Variants in RSU1 observed in about 807,000 individuals in gnomAD.
RSU1 encodes the protein Ras suppressor protein 1, also known as rsu-1.
RSU1 carries 26 observed loss-of-function variants against 31.1 expected under a neutral mutation model. The ratio of observed to expected loss-of-function variants is 0.84; its 90% CI spans 0.61 to 1.16. The LOEUF is 1.16. Among genes scored for constraint, RSU1 ranks in the 50% most tolerant of loss-of-function variants. The pLI is 0.00. For missense variants in RSU1, 320 were observed against 339.1 expected (o/e 0.94, Z 0.44); for synonymous variants, 164 against 136.3 (o/e 1.20, Z -1.41).
At chr10:16,809,319 A>T (rs939488861) in intron 2 of RSU1, among the ~76,000 whole-genome samples, 14 of 152,328 alleles carry the variant, frequency 9.2e-5, no homozygotes, top group Admixed American at 7.2e-4. Context: ...GCTCTGGTTG[A>T]CTGTAACATA....
chr10:16,794,397 A>C (rs1055988078), intron 2 of RSU1, among the ~76,000 whole-genome samples: 1 of 152,242 alleles, frequency 6.6e-6, no homozygotes, highest in Non-Finnish European at 1.5e-5. Context: ...TAAAACCTTC[A>C]AGGACCAGAG....
chr10:16,782,092 G>GAA lies in RSU1; in HGVS notation c.110-10_110-9dup. On this transcript the variant is annotated splice_polypyrimidine_tract_variant and intron_variant, in intron 2 of 8. Transcript: ENST00000345264. ...TGATATGGGATAAGGTAACTAAAAA[G>GAA]AAAAGAAAAAAAAAAAGGTCAGTCA... The GAA allele has an allele frequency of 6.5e-7, 1 of 1,548,632 alleles. No individual in the cohort carries two copies. The highest frequency in any genetic ancestry group is 1.4e-5 in the African/African-American group (1 of 69,756).
At chr10:16,797,926 A>G (rs1375595680) in intron 2 of RSU1, among the ~76,000 whole-genome samples, 1 of 145,076 alleles carries the variant, frequency 6.9e-6, no homozygotes, top group African/African-American at 2.6e-5. Context: ...GAGCGGGGCA[A>G]TCTCGGCTCA....
intron 7 of RSU1, among the ~76,000 whole-genome samples, chr10:16,734,402 A>T (rs1168335407): frequency 6.6e-6 from 1 of 152,240 alleles, no homozygotes; most frequent in Non-Finnish European, 1.5e-5. Context: ...TACATGAATG[A>T]CATCTATACC....
In RSU1 at chr10:16,593,423, G is replaced by A. The variant is rs201269398; in HGVS notation, c.805C>T (p.Arg269Trp). The A allele has an allele frequency of 7.3e-5, 118 of 1,613,942 alleles. 1 individual carries two copies. The highest frequency in any genetic ancestry group is 1.6e-4 in the Middle Eastern group (1 of 6,082). ...KNNDKSKKIS[R>W]KPLAAKNR is the part of the protein sequence containing the mutation. ...CTGTTCTTGGCTGCCAGGGGTTTCC[G>A]GCTGATCTTTTTCGATTTGTCATTA... Residue 269 changes from arginine (R) to tryptophan (W), a missense_variant, in exon 9 of 9, where the codon CGG becomes TGG. Transcript: ENST00000345264.
At chr10:16,729,072 A>G (rs1836452776) in intron 7 of RSU1, among the ~76,000 whole-genome samples, 1 of 152,218 alleles carries the variant, frequency 6.6e-6, no homozygotes, top group South Asian at 2.1e-4. Flanking sequence ...TATGCCGCGT[A>G]TTTATCTCCA....
chr10:16,740,202 T>A (rs76422862), intron 7 of RSU1, among the ~76,000 whole-genome samples: 6,168 of 152,150 alleles, frequency 0.041, 426 homozygotes, highest in African/African-American at 0.14. Flanking sequence ...GGAAAAATTT[T>A]AAGTAAAATA....
At chr10:16,624,991 G>A (rs547027170) in intron 8 of RSU1, among the ~76,000 whole-genome samples, 37 of 152,056 alleles carry the variant, frequency 2.4e-4, no homozygotes, top group African/African-American at 8.7e-4. Context: ...ATGCCAAGTG[G>A]GTATCACCTT....
chr10:16,693,994 T>C (rs764641701), intron 8 of RSU1, among the ~76,000 whole-genome samples: 1 of 152,114 alleles, frequency 6.6e-6, no homozygotes, highest in Non-Finnish European at 1.5e-5. Context: ...TCTCAGCATT[T>C]GGGGTCAGGC....
At chr10:16,752,187 C>T (rs1282961940) in intron 7 of RSU1, among the ~76,000 whole-genome samples, 1 of 152,100 alleles carries the variant, frequency 6.6e-6, no homozygotes, top group Non-Finnish European at 1.5e-5. Context: ...TTATTAATAA[C>T]CAACCAAGAC....
At chr10:16,666,906 T>C (rs1835000164) in intron 8 of RSU1, among the ~76,000 whole-genome samples, 1 of 152,038 alleles carries the variant, frequency 6.6e-6, no homozygotes, top group Admixed American at 6.6e-5. Flanking sequence ...GGAGAACTGC[T>C]TGAACCCCAG....
chr10:16,765,359 C>T (rs1588520797), intron 3 of RSU1, among the ~76,000 whole-genome samples: 1 of 152,244 alleles, frequency 6.6e-6, no homozygotes, highest in East Asian at 1.9e-4. Context: ...CATACATATA[C>T]ACACACAAAG....
intron 8 of RSU1, among the ~76,000 whole-genome samples, chr10:16,657,882 C>T (rs1389157368): frequency 6.6e-6 from 1 of 151,960 alleles, no homozygotes; most frequent in Non-Finnish European, 1.5e-5. Flanking sequence ...CCCAGCTACT[C>T]GGGAGGCTGA....
Position 16,752,664 on chromosome 10 carries a change from G to A in RSU1, c.484-11C>T, listed in dbSNP as rs779039621. ...ATCCCTAAGGCTGAGCTAAACAGAA[G>A]AAAACAAGTTGTCAACATATTTACA... On this transcript the variant is annotated splice_polypyrimidine_tract_variant and intron_variant, in intron 6 of 8. Transcript: ENST00000345264. The A allele has an allele frequency of 3.4e-5, 54 of 1,590,852 alleles. 3 individuals are homozygous for A. The South Asian group carries it at 5.9e-4, about 17-fold the overall frequency.
In RSU1 at chr10:16,675,680, T is replaced by C. The variant is rs140469595; in HGVS notation, c.731+19343A>G. ...ACTGGATTAATAAATTCTGGTAATA[T>C]AGTAAGGACAAAATAAATGTAAAAA... On this transcript the variant is annotated intron_variant, in intron 8 of 8. Transcript: ENST00000345264. 1.5e-4 allele frequency among the ~76,000 whole-genome samples: 23 copies of C among 152,310 alleles called. No homozygotes were observed. The East Asian group carries it at 3.7e-3, about 24-fold the overall frequency.
intron 3 of RSU1, among the ~76,000 whole-genome samples, chr10:16,766,817 C>A (rs1435338865): frequency 6.6e-6 from 1 of 151,416 alleles, no homozygotes; most frequent in Non-Finnish European, 1.5e-5. Flanking sequence ...AGTTTGAGAC[C>A]AGCCTGGCCG....
intron 7 of RSU1, among the ~76,000 whole-genome samples, chr10:16,697,786 AG>A (rs1366527231): frequency 1.3e-5 from 2 of 152,144 alleles, no homozygotes; most frequent in African/African-American, 4.8e-5. Flanking sequence ...TCCTAAGCTA[AG>A]GGGATTTTCT....
At chr10:16,615,374 A>G (rs1833958248) in intron 8 of RSU1, among the ~76,000 whole-genome samples, 1 of 152,154 alleles carries the variant, frequency 6.6e-6, no homozygotes, top group African/African-American at 2.4e-5. Context: ...GAGCACAGAG[A>G]TACATAAAAC....
intron 8 of RSU1, among the ~76,000 whole-genome samples, chr10:16,641,093 T>A (rs7098019): frequency 0.68 from 103,770 of 152,020 alleles, 36,929 homozygotes; most frequent in African/African-American, 0.88. Context: ...GGTGCAGCAG[T>A]CCACCATGGC....
Sources: allele counts gnomAD v4.1 joint callset (sites outside exome capture counted in the v4.1 genomes callset), GRCh38; gene constraint gnomAD v4.1.1; transcripts MANE v1.5; gene names NCBI Gene and HGNC (gene_info 2026-07-23, HGNC 2026-07-21).